Variants in ADGRG2 observed in about 807,000 individuals in gnomAD.
ADGRG2 encodes the protein adhesion G protein-coupled receptor G2.
In ADGRG2, 26 loss-of-function variants were observed where a neutral mutation model predicts 74.1. The observed-to-expected ratio is 0.35, with a 90% confidence interval of 0.26 to 0.49. The LOEUF (loss-of-function observed/expected upper bound fraction) is 0.49. ADGRG2 is among the 20% of genes least tolerant of loss of function. The pLI, the probability that ADGRG2 is intolerant of heterozygous loss-of-function variation, is 0.99. For synonymous variants in ADGRG2, 296 were observed against 295.2 expected (o/e 1.00, Z -0.03); for missense variants, 619 against 763.1 (o/e 0.81, Z 2.22).
chrX:19,028,013 A>G (rs1429822120), intron 10 of ADGRG2, among the ~76,000 whole-genome samples, 170 bp downstream of exon 10: 1 of 112,552 alleles, frequency 8.9e-6, no homozygotes, highest in Non-Finnish European at 1.9e-5. Flanking sequence ...GATTATTATG[A>G]ATTCAAGCCC....
rs1003645125 is a variant in ADGRG2, at chrX:19,078,440, C to T, written c.-2+4262G>A. On this transcript the variant is annotated intron_variant, in intron 2 of 28. Coordinates refer to ENST00000379869, the MANE Select transcript of ADGRG2 (RefSeq NM_001079858.3). ...GGCATGGTGGTATGCGCCTATGGTC[C>T]CAGCTGCATGGGAGTCTGAGGCAAG... Among the ~76,000 whole-genome samples the T allele has an allele frequency of 6.3e-5, 7 of 110,516 alleles. No individual in the cohort carries two copies. The Admixed American group carries it at 6.8e-4, about 11-fold the overall frequency.
At chrX:19,037,399 C>A (rs1428512855) in intron 6 of ADGRG2, 68 bp downstream of exon 6, 3 of 751,343 alleles carry the variant, frequency 4.0e-6, no homozygotes, top group Non-Finnish European at 5.9e-6. Flanking sequence ...AAACCTTCAA[C>A]ACCATTCATT....
chrX:19,043,353 T>A (rs1294941365), intron 3 of ADGRG2, among the ~76,000 whole-genome samples: 1 of 111,704 alleles, frequency 9.0e-6, no homozygotes, highest in Non-Finnish European at 1.9e-5. Flanking sequence ...ACTTCCCATT[T>A]GTTACAACTT....
chrX:19,103,031 C>A (rs1056494500), intron 1 of ADGRG2, among the ~76,000 whole-genome samples: 2 of 110,926 alleles, frequency 1.8e-5, no homozygotes, highest in Admixed American at 1.9e-4. Flanking sequence ...AAGGCTGAGA[C>A]CTGTTGGGCT....
At chrX:19,120,932 GC>G (rs1224607569) in intron 1 of ADGRG2, among the ~76,000 whole-genome samples, 59 of 112,334 alleles carry the variant, frequency 5.3e-4, no homozygotes, top group African/African-American at 1.9e-3. Context: ...TATTTAGAAA[GC>G]CAGCCAGTAG....
rs540664043 is a variant in ADGRG2, at chrX:19,002,317, C to T, written c.2230+529G>A. Among the ~76,000 whole-genome samples the T allele has an allele frequency of 1.3e-4, 15 of 111,528 alleles. No homozygotes were observed. In the South Asian group the frequency reaches 5.2e-3, roughly 39 times the overall value. ...GGGGAGCCTAAGGCCTTGCGACCTG[C>T]CACCAATAGGCTGCACAATCTGAAA... On this transcript the variant is annotated intron_variant, in intron 24 of 28. Transcript: ENST00000379869.
chrX:19,023,991 T>C, intron 11 of ADGRG2, 43 bp from the exon 12 acceptor site: 1 of 937,724 alleles, frequency 1.1e-6, no homozygotes, highest in South Asian at 2.0e-5. Flanking sequence ...AGACCATTAG[T>C]GATATTAAAT....
At chrX:19,020,841 AGTCCCAGCTACTCGG>A (rs2060572875) in intron 14 of ADGRG2, among the ~76,000 whole-genome samples, 1 of 109,890 alleles carries the variant, frequency 9.1e-6, no homozygotes, top group Non-Finnish European at 1.9e-5. Flanking sequence ...GCATGCCTGT[AGTCCCAGCTACTCGG>A]GAGGCTAAGG....
chrX:19,116,236 C>T (rs761271767), intron 1 of ADGRG2, among the ~76,000 whole-genome samples: 37 of 107,089 alleles, frequency 3.5e-4, no homozygotes, highest in African/African-American at 1.2e-3. Context: ...AAAGTCCGGG[C>T]GCAGTGGCTC....
chrX:19,073,037 T>C (rs930693119), intron 2 of ADGRG2, among the ~76,000 whole-genome samples: 3 of 112,278 alleles, frequency 2.7e-5, no homozygotes, highest in Non-Finnish European at 3.8e-5. Context: ...TGGGAGGTGT[T>C]GGATCATGGA....
At position 19,103,536 on chromosome X, in the gene ADGRG2, T is replaced by C. The variant is rs1034421140; in HGVS notation, c.-47+18906A>G. On this transcript the variant is annotated intron_variant, in intron 1 of 28. Coordinates refer to ENST00000379869, the MANE Select transcript of ADGRG2 (RefSeq NM_001079858.3). ...TACTCTATGGACTTGCTCCTAATTC[T>C]TTCTTGTATGAGGTCCAAGAACCCT... 4.5e-5 allele frequency among the ~76,000 whole-genome samples: 5 copies of C among 112,224 alleles called. No individual in the cohort carries two copies. The Admixed American group carries it at 4.7e-4, about 11-fold the overall frequency.
At chrX:19,093,607 C>T (rs1280157881) in intron 1 of ADGRG2, among the ~76,000 whole-genome samples, 2 of 111,338 alleles carry the variant, frequency 1.8e-5, no homozygotes, top group East Asian at 2.8e-4. Flanking sequence ...CTGAAGATGA[C>T]GGTGACCTAG....
intron 1 of ADGRG2, among the ~76,000 whole-genome samples, chrX:19,091,696 A>G (rs1461474348): frequency 8.9e-6 from 1 of 112,113 alleles, no homozygotes; most frequent in Non-Finnish European, 1.9e-5. Context: ...TTTCTGTTGC[A>G]ATTACTCAAC....
chrX:19,111,544 T>C (rs912245300), intron 1 of ADGRG2, among the ~76,000 whole-genome samples: 1 of 111,848 alleles, frequency 8.9e-6, no homozygotes, highest in African/African-American at 3.3e-5. Flanking sequence ...TGTCAAATGC[T>C]GCCGCCAAGT....
At chrX:19,000,302 CA>C (rs1403861152) in intron 24 of ADGRG2, among the ~76,000 whole-genome samples, 1 of 112,076 alleles carries the variant, frequency 8.9e-6, no homozygotes, top group East Asian at 2.8e-4. Context: ...CGGCTGGTCA[CA>C]CCTAGTTCTA....
At chrX:19,033,333 T>A (rs749103611) in intron 8 of ADGRG2, 1 of 228,289 alleles carries the variant, frequency 4.4e-6, no homozygotes, top group South Asian at 1.2e-4. Context: ...TCATTGCCTT[T>A]ATCTGCATGC....
intron 2 of ADGRG2, among the ~76,000 whole-genome samples, chrX:19,072,745 G>T (rs993315894): frequency 1.8e-5 from 2 of 110,534 alleles, no homozygotes; most frequent in Non-Finnish European, 3.8e-5. Flanking sequence ...GCTTTCAGTT[G>T]TCAGATCTGG....
intron 2 of ADGRG2, among the ~76,000 whole-genome samples, chrX:19,069,846 C>T (rs769291929): frequency 1.2e-4 from 14 of 112,586 alleles, no homozygotes; most frequent in African/African-American, 3.9e-4. Context: ...TTTGTTCTTA[C>T]AACTTCATTA....
chrX:19,104,694 C>T (rs2062249157), intron 1 of ADGRG2, among the ~76,000 whole-genome samples: 1 of 110,272 alleles, frequency 9.1e-6, no homozygotes, highest in African/African-American at 3.3e-5. Flanking sequence ...GGGTGGATCA[C>T]TTGAGTGAGG....
Sources: allele counts gnomAD v4.1 joint callset (sites outside exome capture counted in the v4.1 genomes callset), GRCh38; gene constraint gnomAD v4.1.1; transcripts MANE v1.5; gene names NCBI Gene and HGNC (gene_info 2026-07-23, HGNC 2026-07-21).